The following STARD3NL variants were observed in gnomAD, a reference collection of about 807,000 sequenced individuals.
STARD3NL encodes STARD3 N-terminal like, also known as STARD3 N-terminal-like protein.
A neutral mutation model predicts 30.9 loss-of-function variants in STARD3NL; 17 were observed. That is an observed-to-expected ratio of 0.55 (90% CI 0.38 to 0.82). The LOEUF is 0.82. STARD3NL is among the 40% of genes least tolerant of loss of function. The probability of loss-of-function intolerance (pLI) is 0.00; values close to 1 mark genes in which losing one functional copy is unlikely to be tolerated. For synonymous variants in STARD3NL, 112 were observed against 100.5 expected (o/e 1.11, Z -0.69); for missense variants, 234 against 277.6 (o/e 0.84, Z 1.12).
At chr7:38,200,436 A>G (rs945152984) in intron 1 of STARD3NL, among the ~76,000 whole-genome samples, 2 of 138,012 alleles carry the variant, frequency 1.4e-5, no homozygotes, top group Admixed American at 1.5e-4. Flanking sequence ...TAAGGAACTC[A>G]GGCTAAACGT....
intron 4 of STARD3NL, chr7:38,215,527 C>T (rs1281047674): frequency 6.1e-6 from 1 of 163,848 alleles, no homozygotes; most frequent in Non-Finnish European, 1.3e-5. Flanking sequence ...CTTTCTTCCC[C>T]ACAACCCCCT....
intron 1 of STARD3NL, among the ~76,000 whole-genome samples, chr7:38,178,750 G>C (rs1784123506): frequency 6.6e-6 from 1 of 152,100 alleles, no homozygotes; most frequent in African/African-American, 2.4e-5. Flanking sequence ...TCGGCCCCGG[G>C]CTGGCGCCAT....
At chr7:38,202,394 A>G (rs946052378) in intron 1 of STARD3NL, among the ~76,000 whole-genome samples, 5 of 152,194 alleles carry the variant, frequency 3.3e-5, no homozygotes, top group Non-Finnish European at 7.3e-5. Flanking sequence ...GGTTCTGAGG[A>G]CATCTGTACA....
intron 8 of STARD3NL, among the ~76,000 whole-genome samples, chr7:38,229,220 T>C (rs1481099784): frequency 6.6e-6 from 1 of 152,226 alleles, no homozygotes; most frequent in East Asian, 1.9e-4. Flanking sequence ...GAGATGCAGG[T>C]GCTGTTATCA....
chr7:38,188,905 A>T (rs931101430), intron 1 of STARD3NL, among the ~76,000 whole-genome samples: 2 of 152,256 alleles, frequency 1.3e-5, no homozygotes, highest in African/African-American at 4.8e-5. Flanking sequence ...CTGCCAGAGG[A>T]GTGACTTAAA....
chr7:38,219,528 G>A, intron 6 of STARD3NL, 37 bp from the exon 7 acceptor site: 1 of 1,483,568 alleles, frequency 6.7e-7, no homozygotes, highest in Non-Finnish European at 9.3e-7. Flanking sequence ...CCAGAAAGGT[G>A]ACCTCATTCC....
chr7:38,201,169 A>G lies in STARD3NL; in HGVS notation c.-58-6278A>G, dbSNP rs913788868. Among the ~76,000 whole-genome samples the G allele has an allele frequency of 2.6e-5, 4 of 152,342 alleles. No homozygotes were observed. In the South Asian group the frequency reaches 8.3e-4, roughly 32 times the overall value. ...CCTTTTTACAACTTCCCTTTTTCCC[A>G]GAGAAAGATCAGTTTGATTAGAGCC... On this transcript the variant is annotated intron_variant, in intron 1 of 8. Transcript: ENST00000009041.
At chr7:38,206,710 T>C (rs1785505997) in intron 1 of STARD3NL, among the ~76,000 whole-genome samples, 1 of 152,262 alleles carries the variant, frequency 6.6e-6, no homozygotes, top group East Asian at 1.9e-4. Flanking sequence ...TAACTAACTT[T>C]AGTTTATAAG....
At chr7:38,210,055 G>T (rs1045779504) in intron 2 of STARD3NL, among the ~76,000 whole-genome samples, 2 of 152,068 alleles carry the variant, frequency 1.3e-5, no homozygotes, top group Non-Finnish European at 2.9e-5. Flanking sequence ...TACTTGTTTT[G>T]AATTGTCAGT....
In STARD3NL at chr7:38,207,621, C is replaced by G. The variant is rs370877659; in HGVS notation, c.117C>G (p.Ser39=). 6.8e-6 allele frequency: 11 copies of G among 1,613,912 alleles called. No homozygotes were observed. Among genetic ancestry groups the G allele is most frequent in the Non-Finnish European group, 9.3e-6 (11 of 1,179,952 alleles). Residue 39 remains serine (S), a synonymous_variant, in exon 2 of 9, where the codon TCC becomes TCG. Coordinates refer to ENST00000009041, the MANE Select transcript of STARD3NL (RefSeq NM_032016.4). ...NPTQLMARIE[S]YEGREKKGIS... ...CACAACTCATGGCCAGGATTGAGTC[C>G]TATGAAGGAAGGGAAAAGAAAGGCA...
At chr7:38,210,101 C>T (rs2116273799) in intron 2 of STARD3NL, among the ~76,000 whole-genome samples, 1 of 152,268 alleles carries the variant, frequency 6.6e-6, no homozygotes, top group African/African-American at 2.4e-5. Context: ...CAGTACCATT[C>T]ATTTTGCTTT....
rs1785546290 is a variant in STARD3NL at position 38,207,439 on chromosome 7, TC to T, written c.-58-5del. The T allele has an allele frequency of 2.9e-6, 4 of 1,372,620 alleles. No individual in the cohort carries two copies. Among genetic ancestry groups the T allele is most frequent in the Non-Finnish European group, 4.0e-6 (4 of 991,886 alleles). The allele number at this position is 1,372,620 out of a possible 1,614,324, so 85.0% of individuals were successfully genotyped here. ...TTTAACATGGTGTCTCTTTTTTATT[TC>T]CCAAAGGTGTCTTCTCTTTAGGGAT... On this transcript the variant is annotated splice_region_variant and splice_polypyrimidine_tract_variant and intron_variant, in intron 1 of 8. Transcript: ENST00000009041.
intron 1 of STARD3NL, among the ~76,000 whole-genome samples, chr7:38,199,676 G>A (rs1785085403): frequency 1.3e-5 from 2 of 152,188 alleles, no homozygotes; most frequent in African/African-American, 2.4e-5. Flanking sequence ...AACTCACCCT[G>A]TACTTCAGCT....
At chr7:38,194,906 A>C (rs1020411220) in intron 1 of STARD3NL, among the ~76,000 whole-genome samples, 1 of 152,224 alleles carries the variant, frequency 6.6e-6, no homozygotes, top group East Asian at 1.9e-4. Context: ...TTAAAATATC[A>C]AATAGGCTAA....
intron 7 of STARD3NL, among the ~76,000 whole-genome samples, chr7:38,226,160 T>G (rs200031930): frequency 0.1 from 13,420 of 132,504 alleles, 645 homozygotes; most frequent in East Asian, 0.17. Context: ...TTGTTTTTTT[T>G]TTTTTTTTTT....
chr7:38,181,947 A>G (rs942614768), intron 1 of STARD3NL, among the ~76,000 whole-genome samples: 2 of 152,100 alleles, frequency 1.3e-5, no homozygotes, highest in African/African-American at 4.8e-5. Flanking sequence ...CTGTCCCTCT[A>G]AGTCCACTCA....
At chr7:38,220,380 T>G (rs979572470) in intron 7 of STARD3NL, among the ~76,000 whole-genome samples, 2 of 152,206 alleles carry the variant, frequency 1.3e-5, no homozygotes, top group African/African-American at 4.8e-5. Flanking sequence ...AAAAGATGCT[T>G]AACATCACTA....
intron 1 of STARD3NL, chr7:38,202,304 T>C (rs1785219252): frequency 6.6e-6 from 1 of 152,216 alleles, no homozygotes; most frequent in African/African-American, 2.4e-5. Flanking sequence ...TTGCTGACTC[T>C]GAGGAAACAA....
chr7:38,208,905 C>T (rs1028446539), intron 2 of STARD3NL, among the ~76,000 whole-genome samples: 2 of 152,188 alleles, frequency 1.3e-5, no homozygotes, highest in Non-Finnish European at 2.9e-5. Context: ...ATTCTAAACT[C>T]TATTCTCTTA....
Sources: gnomAD v4.1 joint callset for allele counts (sites outside exome capture counted in the v4.1 genomes callset) on GRCh38, gnomAD v4.1.1 for gene constraint, MANE v1.5 for transcripts, NCBI Gene and HGNC (gene_info 2026-07-23, HGNC 2026-07-21) for gene names.